Variants in EPHA6 observed in about 807,000 individuals in gnomAD.
EPHA6 encodes the protein EPH receptor A6.
In EPHA6, 50 loss-of-function variants were observed where a neutral mutation model predicts 112.0. The observed-to-expected ratio is 0.45, with a 90% CI of 0.36 to 0.56. The LOEUF (loss-of-function observed/expected upper bound fraction) is 0.56. Among genes scored for constraint, EPHA6 ranks in the 20% least tolerant of loss-of-function variants. The probability of loss-of-function intolerance (pLI) is 0.00; values close to 1 mark genes in which losing one functional copy is unlikely to be tolerated. For synonymous variants in EPHA6, 529 were observed against 490.7 expected, an observed-to-expected ratio of 1.08 and a Z score of -1.03; for missense variants, 1,280 against 1,417.4, an observed-to-expected ratio of 0.90 and a Z score of 1.56.
intron 5 of EPHA6, among the ~76,000 whole-genome samples, chr3:97,328,052 C>CATATATAAATAT (rs1490094035): frequency 5.3e-5 from 3 of 56,998 alleles, no homozygotes; most frequent in African/African-American, 2.6e-4. Context: ...CACATATATA[C>CATATATAAATAT]ACATATATAT....
At chr3:96,832,627 C>A (rs2034160359) in intron 1 of EPHA6, among the ~76,000 whole-genome samples, 1 of 152,006 alleles carries the variant, frequency 6.6e-6, no homozygotes, top group African/African-American at 2.4e-5. Flanking sequence ...TTGTGCCACA[C>A]AATATTGTGC....
At chr3:97,097,456 T>C (rs976019738) in intron 3 of EPHA6, among the ~76,000 whole-genome samples, 5 of 151,688 alleles carry the variant, frequency 3.3e-5, no homozygotes, top group African/African-American at 1.2e-4. Context: ...ATTGAAAGCA[T>C]TGAATTTTTA....
rs2043085285 is a variant in EPHA6, at chr3:96,988,062, T to G, written c.1114+69T>G. On this transcript the variant is annotated intron_variant, in intron 3 of 17. Transcript: ENST00000389672. ...TTTTAAAAAAGTTTTATTTTTTAAA[T>G]TAACAAATAGTAATTGTGCATATTC... 3.2e-6 allele frequency: 4 copies of G among 1,247,276 alleles called. No individual in the cohort carries two copies. The South Asian group carries it at 6.7e-5, about 21-fold the overall frequency. 77.3% of individuals were successfully genotyped at this position (1,247,276 alleles called of 1,614,324 possible).
intron 11 of EPHA6, among the ~76,000 whole-genome samples, chr3:97,547,084 C>T (rs1279639295): frequency 6.6e-6 from 1 of 152,216 alleles, no homozygotes; most frequent in Non-Finnish European, 1.5e-5. Flanking sequence ...CATTCTCCGT[C>T]CATCTTTGTT....
At chr3:97,327,863 G>GTA (rs543843107) in intron 5 of EPHA6, among the ~76,000 whole-genome samples, 25 of 146,444 alleles carry the variant, frequency 1.7e-4, no homozygotes, top group Non-Finnish European at 2.5e-4. Flanking sequence ...GTATATGTGT[G>GTA]TATATATATA....
rs556809963 is a variant in EPHA6 at position 97,266,240 on chromosome 3, A to G, written c.1606+21953A>G. ...ATAGAAGTGTGATCCATTTTTATGT[A>G]CATGCATACATAAAATTAAAATAAT... is the stretch of plus-strand genomic sequence containing the variant. On this transcript the variant is annotated intron_variant, in intron 5 of 17. Transcript: ENST00000389672. Among the ~76,000 whole-genome samples the G allele has an allele frequency of 2.7e-3, 415 of 152,328 alleles. 1 individual carries two copies. The highest frequency in any genetic ancestry group is 4.6e-3 in the Non-Finnish European group (315 of 68,028).
intron 3 of EPHA6, among the ~76,000 whole-genome samples, chr3:97,174,995 C>T (rs2076797716): frequency 6.6e-6 from 1 of 151,762 alleles, no homozygotes; most frequent in Non-Finnish European, 1.5e-5. Flanking sequence ...GGAGAGTTTA[C>T]CCCAAAGTTT....
chr3:96,887,589 C>T (rs1164760228), intron 2 of EPHA6, among the ~76,000 whole-genome samples: 1 of 152,190 alleles, frequency 6.6e-6, no homozygotes, highest in African/African-American at 2.4e-5. Flanking sequence ...GGAGGTTATG[C>T]TCTCCAGAGA....
intron 3 of EPHA6, among the ~76,000 whole-genome samples, chr3:97,089,347 A>T (rs2046995979): frequency 6.6e-6 from 1 of 152,132 alleles, no homozygotes; most frequent in African/African-American, 2.4e-5. Flanking sequence ...CTTTTTTAAC[A>T]TTTGATGACA....
chr3:97,079,650 C>T (rs1208018867), intron 3 of EPHA6, among the ~76,000 whole-genome samples: 2 of 148,474 alleles, frequency 1.3e-5, no homozygotes, highest in African/African-American at 5.0e-5. Flanking sequence ...AGAGGGTTGA[C>T]TCCAGTTTTG....
intron 3 of EPHA6, among the ~76,000 whole-genome samples, chr3:97,045,272 T>C (rs898023948): frequency 6.6e-6 from 1 of 152,046 alleles, no homozygotes; most frequent in Non-Finnish European, 1.5e-5. Flanking sequence ...TACTGGTATT[T>C]TGTATCATTA....
intron 5 of EPHA6, among the ~76,000 whole-genome samples, chr3:97,369,440 C>A (rs1246341302): frequency 6.6e-6 from 1 of 152,146 alleles, no homozygotes; most frequent in Non-Finnish European, 1.5e-5. Context: ...GATTTGTTGA[C>A]AATGGCTTGA....
chr3:97,431,730 A>G (rs1013910966), intron 6 of EPHA6, among the ~76,000 whole-genome samples: 2 of 152,078 alleles, frequency 1.3e-5, no homozygotes, highest in African/African-American at 4.8e-5. Flanking sequence ...CATGTTTAAC[A>G]CGTTTATACT....
chr3:97,280,398 A>G (rs2080246487), intron 5 of EPHA6, among the ~76,000 whole-genome samples: 1 of 152,216 alleles, frequency 6.6e-6, no homozygotes, highest in Non-Finnish European at 1.5e-5. Flanking sequence ...GGTATTTAGA[A>G]AGCCAAGAAC....
At chr3:96,918,465 A>G (rs1303535010) in intron 2 of EPHA6, among the ~76,000 whole-genome samples, 1 of 152,134 alleles carries the variant, frequency 6.6e-6, no homozygotes, top group East Asian at 1.9e-4. Flanking sequence ...ATTTCTTTAT[A>G]TTATAGAATT....
intron 1 of EPHA6, among the ~76,000 whole-genome samples, chr3:96,840,865 C>G (rs191515323): frequency 2.6e-5 from 4 of 151,984 alleles, no homozygotes. Context: ...TTAAAAAAAT[C>G]TATTCATTTT....
At chr3:97,446,419 C>G (rs1371899176) in intron 6 of EPHA6, among the ~76,000 whole-genome samples, 1 of 152,082 alleles carries the variant, frequency 6.6e-6, no homozygotes, top group Non-Finnish European at 1.5e-5. Flanking sequence ...CAAAAGGTGT[C>G]CTTTATTCCC....
chr3:97,552,138 A>G (rs972310719), intron 11 of EPHA6, among the ~76,000 whole-genome samples: 39 of 152,238 alleles, frequency 2.6e-4, no homozygotes, highest in African/African-American at 9.2e-4. Context: ...ACAGACTCAG[A>G]AAATATTTCA....
chr3:97,719,047 A>G (rs958562775), intron 14 of EPHA6, among the ~76,000 whole-genome samples: 2 of 146,728 alleles, frequency 1.4e-5, no homozygotes, highest in African/African-American at 5.0e-5. Context: ...TGTAAAACCT[A>G]AATTGTTCCC....
Sources: gnomAD v4.1 joint callset for allele counts (sites outside exome capture counted in the v4.1 genomes callset) on GRCh38, gnomAD v4.1.1 for gene constraint, MANE v1.5 for transcripts, NCBI Gene and HGNC (gene_info 2026-07-23, HGNC 2026-07-21) for gene names.